The following PDLIM1 variants were observed in gnomAD, a reference collection of about 807,000 sequenced individuals.
The protein encoded by PDLIM1 is PDZ and LIM domain 1.
Under a neutral mutation model 35.2 loss-of-function variants are expected in PDLIM1, and 25 were observed. The ratio of observed to expected loss-of-function variants is 0.71; its 90% CI spans 0.52 to 0.99. PDLIM1 has a LOEUF of 0.99. Among genes scored for constraint, PDLIM1 ranks in the 50% least tolerant of loss-of-function variants. The pLI is 0.00. For missense variants in PDLIM1, 363 were observed against 415.3 expected, an observed-to-expected ratio of 0.87 and a Z score of 1.09; for synonymous variants, 152 against 154.0, an observed-to-expected ratio of 0.99 and a Z score of 0.10.
At chr10:95,278,634 GAAAA>G (rs746365990) in intron 1 of PDLIM1, among the ~76,000 whole-genome samples, 53 of 151,316 alleles carry the variant, frequency 3.5e-4, no homozygotes, top group Non-Finnish European at 5.9e-4. Flanking sequence ...AAAAAGAAAA[GAAAA>G]GAAAGAAATT....
At chr10:95,242,551 G>T (rs6583986) in intron 5 of PDLIM1, among the ~76,000 whole-genome samples, 6,275 of 152,026 alleles carry the variant, frequency 0.041, 433 homozygotes, top group African/African-American at 0.14. Flanking sequence ...GCCGGGCATT[G>T]TGGGACGTGC....
Position 95,238,012 on chromosome 10 carries a change from C to T in PDLIM1, c.903G>A (p.Val301=). ...TNLKQKGHFF[V]EDQIYCEKHA... is the part of the protein sequence containing the mutation. ...GCTTCTCACAGTAGATTTGATCCTC[C>T]ACAAAGAAATGGCCCTTCTGTTTCA... is the stretch of plus-strand genomic sequence containing the variant. Residue 301 remains valine, a synonymous_variant, in exon 7 of 7, where the codon GTG becomes GTA. Transcript: ENST00000329399. 1.2e-6 allele frequency: 2 copies of T among 1,614,144 alleles called. No homozygotes were observed. The highest frequency in any genetic ancestry group is 1.7e-6 in the Non-Finnish European group (2 of 1,179,996).
intron 1 of PDLIM1, among the ~76,000 whole-genome samples, chr10:95,281,154 C>T (rs1447186030): frequency 1.3e-5 from 2 of 152,106 alleles, no homozygotes; most frequent in African/African-American, 2.4e-5. Context: ...TAATTAGACC[C>T]TAAAATCTCA....
At chr10:95,275,835 G>A (rs565422993) in intron 1 of PDLIM1, among the ~76,000 whole-genome samples, 15 of 152,172 alleles carry the variant, frequency 9.9e-5, no homozygotes, top group African/African-American at 2.9e-4. Flanking sequence ...AGTCTTAGGC[G>A]CCCCAAGCCT....
intron 5 of PDLIM1, among the ~76,000 whole-genome samples, chr10:95,241,175 T>G (rs1207563524): frequency 6.6e-6 from 1 of 152,194 alleles, no homozygotes; most frequent in African/African-American, 2.4e-5. Context: ...TTTCAGAAAG[T>G]GAGTCCCTGT....
chr10:95,253,073 T>C (rs1177928684), intron 4 of PDLIM1, among the ~76,000 whole-genome samples: 2 of 151,970 alleles, frequency 1.3e-5, no homozygotes, highest in Non-Finnish European at 1.5e-5. Context: ...CACCAAAACA[T>C]ATCATAGTAA....
chr10:95,249,234 G>A (rs748888146), intron 4 of PDLIM1, among the ~76,000 whole-genome samples: 5 of 152,212 alleles, frequency 3.3e-5, no homozygotes, highest in Non-Finnish European at 7.3e-5. Flanking sequence ...AGGCTCACGA[G>A]GTCCTCCAGG....
At chr10:95,274,020 C>T (rs1028323359) in intron 1 of PDLIM1, among the ~76,000 whole-genome samples, 1 of 152,158 alleles carries the variant, frequency 6.6e-6, no homozygotes, top group South Asian at 2.1e-4. Context: ...TTATGGAACT[C>T]ATTTATCATA....
chr10:95,243,307 A>G (rs2035193654), intron 5 of PDLIM1, among the ~76,000 whole-genome samples: 1 of 152,336 alleles, frequency 6.6e-6, no homozygotes, highest in Non-Finnish European at 1.5e-5. Flanking sequence ...ACTAGCTTAT[A>G]GTGAAAATAC....
At chr10:95,282,673 C>T (rs45449895) in intron 1 of PDLIM1, among the ~76,000 whole-genome samples, 1 of 152,334 alleles carries the variant, frequency 6.6e-6, no homozygotes, top group East Asian at 1.9e-4. Flanking sequence ...GGCGTGGTGG[C>T]TCATGCCGGT....
At chr10:95,240,475 C>T (rs1465325430) in intron 5 of PDLIM1, among the ~76,000 whole-genome samples, 1 of 152,176 alleles carries the variant, frequency 6.6e-6, no homozygotes, top group Non-Finnish European at 1.5e-5. Flanking sequence ...AGGGACAAGA[C>T]ACACTAGGGC....
chr10:95,268,628 G>A lies in PDLIM1; in HGVS notation c.333+150C>T, dbSNP rs373100165. ...TCCTCCTGCAGTTCCCTTACGGGAAGAACTGAACAAGAGCCAGATACCAGC... is the reference window on the plus strand; with the variant it reads ...TCCTCCTGCAGTTCCCTTACGGGAAAAACTGAACAAGAGCCAGATACCAGC... On this transcript the variant is annotated intron_variant, in intron 3 of 6. Transcript: ENST00000329399. The A allele has an allele frequency of 1.1e-4, 73 of 649,224 alleles. No individual in the cohort carries two copies. The African/African-American group carries it at 1.2e-3, about 11-fold the overall frequency. 40.2% of individuals were successfully genotyped at this position (649,224 alleles called of 1,614,324 possible).
intron 4 of PDLIM1, among the ~76,000 whole-genome samples, chr10:95,263,144 C>CAA (rs11433635): frequency 5.4e-4 from 64 of 119,616 alleles, no homozygotes; most frequent in Admixed American, 9.3e-4. Flanking sequence ...AAGCTTGTCT[C>CAA]AAAAAAAAAA....
intron 5 of PDLIM1, among the ~76,000 whole-genome samples, chr10:95,239,389 A>G (rs2035155550): frequency 1.3e-5 from 2 of 152,244 alleles, no homozygotes; most frequent in African/African-American, 4.8e-5. Context: ...CAGCAAAAGA[A>G]ACTATCATCA....
intron 5 of PDLIM1, among the ~76,000 whole-genome samples, chr10:95,244,640 C>T (rs919003628): frequency 2.6e-5 from 4 of 152,072 alleles, no homozygotes; most frequent in African/African-American, 9.7e-5. Context: ...TGGCTCACAT[C>T]TGTAATCCCA....
At chr10:95,283,661 T>A (rs1252764462) in intron 1 of PDLIM1, among the ~76,000 whole-genome samples, 1 of 152,198 alleles carries the variant, frequency 6.6e-6, no homozygotes, top group Non-Finnish European at 1.5e-5. Flanking sequence ...TTTCTGTAGG[T>A]TTATATTGTC....
In PDLIM1 at chr10:95,250,087, T is replaced by C. The variant is rs868845528; in HGVS notation, c.534-2721A>G. 4.6e-5 allele frequency among the ~76,000 whole-genome samples: 7 copies of C among 152,334 alleles called. No homozygotes were observed. In the South Asian group the frequency reaches 1.0e-3, roughly 23 times the overall value. The stretch of plus-strand genomic sequence containing the variant: ...CAGCCCTTTCTTTGAGTTATATGCC[T>C]GACTCTTTGAGTCCTGAGTTTGGAA... On this transcript the variant is annotated intron_variant, in intron 4 of 6. Transcript: ENST00000329399.
At chr10:95,247,427 G>A in intron 4 of PDLIM1, 61 bp from the exon 5 acceptor site, 1 of 1,381,894 alleles carries the variant, frequency 7.2e-7, no homozygotes, top group Non-Finnish European at 1.0e-6. Flanking sequence ...AACTTCACCA[G>A]GAACCTCCTC....
intron 1 of PDLIM1, among the ~76,000 whole-genome samples, chr10:95,278,330 C>T (rs1315950465): frequency 6.6e-6 from 1 of 152,182 alleles, no homozygotes; most frequent in East Asian, 1.9e-4. Context: ...TCAGGCAGAG[C>T]CCCCACTGTC....
Sources: gnomAD v4.1 joint callset for allele counts (sites outside exome capture counted in the v4.1 genomes callset) on GRCh38, gnomAD v4.1.1 for gene constraint, MANE v1.5 for transcripts, NCBI Gene and HGNC (gene_info 2026-07-23, HGNC 2026-07-21) for gene names.